Variants in PDE1C observed in about 807,000 individuals in gnomAD.
The protein encoded by PDE1C is dual specificity calcium/calmodulin-dependent 3',5'-cyclic nucleotide phosphodiesterase 1C.
In PDE1C, 62 loss-of-function variants were observed where a neutral mutation model predicts 93.1. The ratio of observed to expected loss-of-function variants is 0.67; its 90% CI spans 0.54 to 0.82. The LOEUF is 0.82. Ranked by LOEUF, PDE1C falls within the 40% of genes least tolerant of loss-of-function variation. The probability of loss-of-function intolerance (pLI) is 0.00; values close to 1 mark genes in which losing one functional copy is unlikely to be tolerated. For missense variants in PDE1C, 742 were observed against 884.6 expected, an observed-to-expected ratio of 0.84 and a Z score of 2.04; for synonymous variants, 325 against 310.1, an observed-to-expected ratio of 1.05 and a Z score of -0.50.
intron 17 of PDE1C, among the ~76,000 whole-genome samples, chr7:31,767,478 A>G (rs1179508535): frequency 2.6e-5 from 4 of 152,006 alleles, no homozygotes; most frequent in Non-Finnish European, 4.4e-5. Flanking sequence ...CTCCCCCTTC[A>G]CCTTCTGCCA....
At chr7:31,654,818 C>A in the PDE1C span, among the ~76,000 whole-genome samples, 1 of 152,124 alleles carries the variant, frequency 6.6e-6, no homozygotes, top group Non-Finnish European at 1.5e-5. Flanking sequence ...TAGCAAGTAA[C>A]CTCAGAAACT....
chr7:32,046,865 T>C (rs1792640179), intron 2 of PDE1C, among the ~76,000 whole-genome samples: 1 of 152,128 alleles, frequency 6.6e-6, no homozygotes, highest in Non-Finnish European at 1.5e-5. Flanking sequence ...CATTACCTGG[T>C]ATGGCTTTTT....
intron 7 of PDE1C, among the ~76,000 whole-genome samples, chr7:31,864,022 C>T (rs551561328): frequency 6.6e-6 from 1 of 152,188 alleles, no homozygotes; most frequent in African/African-American, 2.4e-5. Flanking sequence ...TAATTGATAA[C>T]TATACCCAAA....
At chr7:32,068,571 A>AATGTAG (rs1298916728) in intron 1 of PDE1C, among the ~76,000 whole-genome samples, 70 of 152,378 alleles carry the variant, frequency 4.6e-4, no homozygotes, top group African/African-American at 1.6e-3. Context: ...GAAAATGAAA[A>AATGTAG]TGTAGTTACA....
intron 2 of PDE1C, among the ~76,000 whole-genome samples, chr7:32,183,781 A>G (rs944426981): frequency 6.6e-6 from 1 of 152,226 alleles, no homozygotes; most frequent in Non-Finnish European, 1.5e-5. Flanking sequence ...CAAGGGCAAC[A>G]AAAGACAAAA....
At chr7:31,825,902 AG>A (rs34101708) in intron 12 of PDE1C, among the ~76,000 whole-genome samples, 50,599 of 151,806 alleles carry the variant, frequency 0.33, 9,537 homozygotes, top group African/African-American at 0.52. Flanking sequence ...TTTGAGGTAC[AG>A]GGGGGCACAT....
intron 7 of PDE1C, among the ~76,000 whole-genome samples, chr7:31,856,877 A>G (rs1794089391): frequency 6.6e-6 from 1 of 152,154 alleles, no homozygotes; most frequent in African/African-American, 2.4e-5. Flanking sequence ...CTGGAGGAGA[A>G]AAGTCCAAAA....
At chr7:32,427,205 A>G (rs1785550248) in intron 1 of PDE1C, among the ~76,000 whole-genome samples, 2 of 152,142 alleles carry the variant, frequency 1.3e-5, no homozygotes, top group African/African-American at 4.8e-5. Flanking sequence ...CAGCCTTTCT[A>G]CTTACATTGT....
chr7:31,748,486 G>A (rs184753945), downstream of PDE1C, among the ~76,000 whole-genome samples: 4 of 152,330 alleles, frequency 2.6e-5, no homozygotes, highest in East Asian at 7.7e-4. Flanking sequence ...AACATTATGA[G>A]TTAAAGATGC....
intron 3 of PDE1C, among the ~76,000 whole-genome samples, chr7:32,165,553 A>G (rs1453600293): frequency 6.6e-6 from 1 of 152,216 alleles, no homozygotes; most frequent in African/African-American, 2.4e-5. Context: ...TTCACATAGC[A>G]GCAGGAAAGA....
chr7:32,305,645 T>A (rs1812980923), intron 1 of PDE1C, among the ~76,000 whole-genome samples: 1 of 152,200 alleles, frequency 6.6e-6, no homozygotes, highest in African/African-American at 2.4e-5. Flanking sequence ...CAGGCTAGCC[T>A]TTACCACCCT....
upstream of PDE1C, among the ~76,000 whole-genome samples, chr7:32,071,795 G>A (rs1043018839): frequency 1.3e-5 from 2 of 152,112 alleles, no homozygotes; most frequent in African/African-American, 4.8e-5. Flanking sequence ...CAAAGACTGG[G>A]GGAATCCATG....
At chr7:31,676,999 T>C in the PDE1C span, among the ~76,000 whole-genome samples, 21 of 152,182 alleles carry the variant, frequency 1.4e-4, no homozygotes, top group Non-Finnish European at 2.5e-4. Context: ...ATTTGGTAAA[T>C]AATTTCTATG....
chr7:32,378,236 A>G (rs1220611104), intron 1 of PDE1C, among the ~76,000 whole-genome samples: 2 of 152,026 alleles, frequency 1.3e-5, no homozygotes, highest in Non-Finnish European at 2.9e-5. Context: ...GCCCTCTCCA[A>G]TCCACACTCC....
chr7:31,754,995 G>T (rs992103848), intron 17 of PDE1C, among the ~76,000 whole-genome samples: 2 of 152,182 alleles, frequency 1.3e-5, no homozygotes, highest in Non-Finnish European at 2.9e-5. Flanking sequence ...ACTGAAGAGT[G>T]GGGGACAAGA....
At chr7:31,803,768 G>A (rs748338538) in intron 16 of PDE1C, among the ~76,000 whole-genome samples, 6 of 151,964 alleles carry the variant, frequency 3.9e-5, no homozygotes, top group Non-Finnish European at 7.4e-5. Context: ...TGGTGTATAT[G>A]TGCCACATTT....
At chr7:31,953,760 G>T (rs147101109) in intron 2 of PDE1C, among the ~76,000 whole-genome samples, 38 of 152,046 alleles carry the variant, frequency 2.5e-4, no homozygotes, top group African/African-American at 8.4e-4. Context: ...CTCAAGGCCT[G>T]TTCCATGGTC....
In PDE1C at chr7:32,394,952, T is replaced by A. The variant is rs78122483; in HGVS notation, c.310+32870A>T. On this transcript the variant is annotated intron_variant, in intron 1 of 1. Transcript: ENST00000672256. The stretch of plus-strand genomic sequence containing the variant: ...CTGTCATGATTGGAAGCTTTCTGAG[T>A]TCCTCTCCAGAAGCAGATCTGGTGC... Among the ~76,000 whole-genome samples, 796 of 152,306 alleles carry A rather than the reference T, an allele frequency of 5.2e-3. 7 individuals carry two copies. Among genetic ancestry groups the A allele is most frequent in the African/African-American group, 0.018 (743 of 41,566 alleles).
the PDE1C span, chr7:31,695,707 T>A: frequency 2.9e-6 from 4 of 1,390,384 alleles, no homozygotes; most frequent in East Asian, 9.4e-5. Context: ...TCCTTAAATA[T>A]TCAGGTATTT....
Sources: allele counts gnomAD v4.1 joint callset (sites outside exome capture counted in the v4.1 genomes callset), GRCh38; gene constraint gnomAD v4.1.1; transcripts MANE v1.5; gene names NCBI Gene and HGNC (gene_info 2026-07-23, HGNC 2026-07-21).